The following SDC2 variants were observed in gnomAD, a reference collection of about 807,000 sequenced individuals.
SDC2 encodes the protein syndecan-2.
SDC2 carries 13 observed loss-of-function variants against 22.2 expected under a neutral mutation model. The ratio of observed to expected loss-of-function variants is 0.59; its 90% CI spans 0.38 to 0.93. The LOEUF is 0.93. Among genes scored for constraint, SDC2 ranks in the 40% least tolerant of loss-of-function variants. The pLI, the probability that SDC2 is intolerant of heterozygous loss-of-function variation, is 0.00. For synonymous variants in SDC2, 94 were observed against 92.8 expected (o/e 1.01, Z -0.07); for missense variants, 235 against 246.8 (o/e 0.95, Z 0.32).
chr8:96,540,169 A>G (rs2575718), intron 1 of SDC2, among the ~76,000 whole-genome samples: 86,517 of 150,806 alleles, frequency 0.57, 26,483 homozygotes, highest in Non-Finnish European at 0.7. Flanking sequence ...AAGAAAAAAA[A>G]AAGCCCCCCC....
At chr8:96,562,912 T>G (rs1814233877) in intron 1 of SDC2, among the ~76,000 whole-genome samples, 1 of 152,164 alleles carries the variant, frequency 6.6e-6, no homozygotes, top group Non-Finnish European at 1.5e-5. Flanking sequence ...ATGTTTGCAG[T>G]AGAGCTCCAC....
chr8:96,601,660 G>GAAACA (rs1055534747), intron 2 of SDC2, among the ~76,000 whole-genome samples: 2 of 134,208 alleles, frequency 1.5e-5, no homozygotes, highest in Admixed American at 1.5e-4. Context: ...AAAAAAAAAA[G>GAAACA]AAACAAAACA....
intron 1 of SDC2, among the ~76,000 whole-genome samples, chr8:96,506,934 G>A (rs536195069): frequency 2.0e-5 from 3 of 150,984 alleles, no homozygotes; most frequent in South Asian, 2.1e-4. Flanking sequence ...GCGTGAACCC[G>A]AGAGGTGGAG....
At chr8:96,605,551 G>C (rs973567518) in intron 3 of SDC2, among the ~76,000 whole-genome samples, 2 of 152,188 alleles carry the variant, frequency 1.3e-5, no homozygotes, top group East Asian at 3.8e-4. Flanking sequence ...AAGGCCTGTC[G>C]TATTTCCTTC....
intron 2 of SDC2, among the ~76,000 whole-genome samples, chr8:96,598,868 A>G (rs1394019123): frequency 1.3e-5 from 2 of 152,126 alleles, no homozygotes; most frequent in East Asian, 3.9e-4. Context: ...TTTGAGCAAA[A>G]GAGTTAATGT....
intron 1 of SDC2, among the ~76,000 whole-genome samples, chr8:96,516,810 C>T (rs769281722): frequency 2.0e-4 from 31 of 152,156 alleles, no homozygotes; most frequent in Non-Finnish European, 2.1e-4. Context: ...ATAGTCATAC[C>T]CCCTTTTCCA....
chr8:96,501,460 C>T (rs375649490), intron 1 of SDC2, among the ~76,000 whole-genome samples: 15 of 151,702 alleles, frequency 9.9e-5, no homozygotes, highest in Admixed American at 2.6e-4. Context: ...CACACCACCA[C>T]GCCTGGCTAT....
At chr8:96,569,819 C>T (rs1466775805) in intron 1 of SDC2, among the ~76,000 whole-genome samples, 1 of 152,152 alleles carries the variant, frequency 6.6e-6, no homozygotes, top group Non-Finnish European at 1.5e-5. Context: ...CTGGCTCCTC[C>T]TGTACTGCTG....
At chr8:96,554,236 A>G (rs889377669) in intron 1 of SDC2, among the ~76,000 whole-genome samples, 2 of 152,222 alleles carry the variant, frequency 1.3e-5, no homozygotes, top group African/African-American at 2.4e-5. Context: ...ATTACTTAAA[A>G]TATAAGATTC....
In SDC2 at chr8:96,494,264, T is replaced by C. The variant is rs901567053; in HGVS notation, c.-8T>C. ...GCAGCGGCTGGGAGCAGCCGGTCCC[T>C]GGGGAATATGCGGCGCGCGTGGATC... On this transcript the variant is annotated 5_prime_UTR_variant, in exon 1 of 5. Coordinates refer to ENST00000302190, the MANE Select transcript of SDC2 (RefSeq NM_002998.4). 10 of 1,544,582 alleles carry C rather than the reference T, an allele frequency of 6.5e-6. No homozygotes were observed. Among genetic ancestry groups the C allele is most frequent in the Non-Finnish European group, 8.7e-6 (10 of 1,148,242 alleles).
intron 1 of SDC2, among the ~76,000 whole-genome samples, chr8:96,563,019 T>C (rs1814236707): frequency 6.6e-6 from 1 of 152,200 alleles, no homozygotes; most frequent in African/African-American, 2.4e-5. Context: ...CGTGGCTCTG[T>C]ACTCCTTTCT....
At chr8:96,565,953 G>A (rs1163120035) in intron 1 of SDC2, among the ~76,000 whole-genome samples, 2 of 152,018 alleles carry the variant, frequency 1.3e-5, no homozygotes, top group African/African-American at 2.4e-5. Flanking sequence ...GAAGACCTGG[G>A]CTTGAGTCTT....
In SDC2 at chr8:96,506,375, G is replaced by A. The variant is rs528285314; in HGVS notation, c.60+12044G>A. ...CTTTGGGGTCTTAAAAGTGAGAGCT[G>A]GGCCTTTGTATATATCATATGTAAT... On this transcript the variant is annotated intron_variant, in intron 1 of 4. Coordinates refer to ENST00000302190, the MANE Select transcript of SDC2 (RefSeq NM_002998.4). Among the ~76,000 whole-genome samples the A allele has an allele frequency of 3.3e-5, 5 of 152,064 alleles. No individual in the cohort carries two copies. In the South Asian group the frequency reaches 8.3e-4, roughly 25 times the overall value.
At chr8:96,608,513 G>C (rs368497088) in intron 4 of SDC2, 43 bp downstream of exon 4, 16 of 1,561,690 alleles carry the variant, frequency 1.0e-5, no homozygotes, top group Non-Finnish European at 1.0e-5. Flanking sequence ...TGCCTACATA[G>C]GCCTCTGTTA....
chr8:96,503,858 G>T (rs756194255), intron 1 of SDC2, among the ~76,000 whole-genome samples: 2 of 152,156 alleles, frequency 1.3e-5, no homozygotes, highest in Admixed American at 6.6e-5. Flanking sequence ...ATTTTAGGAG[G>T]TTAGCATCAC....
At position 96,609,492 on chromosome 8, in the gene SDC2, C is replaced by T. The variant is rs368635468; in HGVS notation, c.550C>T (p.Arg184Cys). 4.2e-5 allele frequency: 68 copies of T among 1,612,652 alleles called. 2 individuals are homozygous for T. In the South Asian group the frequency reaches 5.7e-4, roughly 14 times the overall value. ...TGAAGGAAGCTATGACCTTGGAGAACGCAAACCATCCAGTGCTGCTTATCA... is the reference window on the plus strand; with the variant it reads ...TGAAGGAAGCTATGACCTTGGAGAATGCAAACCATCCAGTGCTGCTTATCA... The part of the protein sequence containing the change: ...KDEGSYDLGE[R>C]KPSSAAYQKA... The change falls in exon 5 of 5, where the codon CGC (arginine) becomes TGC (cysteine). Residue 184 changes from arginine (R) to cysteine (C), a missense_variant. Transcript: ENST00000302190.
rs533275540 is a variant in SDC2 at position 96,580,543 on chromosome 8, T to C, written c.61-12937T>C. The C allele has an allele frequency of 3.4e-5, 33 of 984,578 alleles. No homozygotes were observed. In the South Asian group the frequency reaches 1.5e-3, roughly 44 times the overall value. 61.0% of individuals were successfully genotyped at this position (984,578 alleles called of 1,614,324 possible). On this transcript the variant is annotated intron_variant, in intron 1 of 4. Transcript: ENST00000302190. ...ATACCAATTAAATAATAAACTCCAC[T>C]CTGTGGGCAGAGGTTCTGTCTGGAG...
chr8:96,534,232 T>C (rs1404499239), intron 1 of SDC2, among the ~76,000 whole-genome samples: 1 of 152,156 alleles, frequency 6.6e-6, no homozygotes, highest in Non-Finnish European at 1.5e-5. Context: ...GGCCCCAGCC[T>C]CGGCTAGCCC....
intron 1 of SDC2, among the ~76,000 whole-genome samples, chr8:96,578,635 T>C (rs994765856): frequency 6.6e-6 from 1 of 152,182 alleles, no homozygotes; most frequent in Non-Finnish European, 1.5e-5. Context: ...TTGCTTAAGA[T>C]GACTTTGGGG....
Sources: allele counts gnomAD v4.1 joint callset (sites outside exome capture counted in the v4.1 genomes callset), GRCh38; gene constraint gnomAD v4.1.1; transcripts MANE v1.5; gene names NCBI Gene and HGNC (gene_info 2026-07-23, HGNC 2026-07-21).